SPAG16: variants seen among roughly 807,000 people sequenced by gnomAD.
The protein encoded by SPAG16 is sperm associated antigen 16, also known as sperm-associated antigen 16 protein.
Under a neutral mutation model 80.4 loss-of-function variants are expected in SPAG16, and 86 were observed. The ratio of observed to expected loss-of-function variants is 1.07; its 90% CI spans 0.90 to 1.28. The LOEUF (loss-of-function observed/expected upper bound fraction) is 1.28, where lower values mean the gene tolerates loss of function less well. SPAG16 is among the 50% of genes most tolerant of loss of function. The pLI, the probability that SPAG16 is intolerant of heterozygous loss-of-function variation, is 0.00. For missense variants in SPAG16, 870 were observed against 765.3 expected (o/e 1.14, Z -1.61); for synonymous variants, 294 against 265.9 (o/e 1.11, Z -1.03).
At chr2:213,956,010 T>TCC (rs2044108681) in intron 12 of SPAG16, among the ~76,000 whole-genome samples, 1 of 151,960 alleles carries the variant, frequency 6.6e-6, no homozygotes, top group Non-Finnish European at 1.5e-5. Context: ...CGCTCTTGTC[T>TCC]CCCAGGCAAC....
chr2:214,403,180 C>T (rs570215338), intron 15 of SPAG16, among the ~76,000 whole-genome samples: 1 of 151,694 alleles, frequency 6.6e-6, no homozygotes, highest in South Asian at 2.1e-4. Flanking sequence ...TCTTTCTAAA[C>T]TTCATTTCCC....
intron 10 of SPAG16, among the ~76,000 whole-genome samples, chr2:213,566,822 G>T (rs2059784714): frequency 6.6e-6 from 1 of 152,112 alleles, no homozygotes; most frequent in African/African-American, 2.4e-5. Flanking sequence ...TCCTGATTTA[G>T]TTGCCAGATT....
intron 1 of SPAG16, chr2:213,285,821 A>C (rs150574032): frequency 4.6e-5 from 47 of 1,031,150 alleles, no homozygotes; most frequent in Non-Finnish European, 5.3e-5. Context: ...GTTTTCGTAG[A>C]TGTAACAGGC....
intron 15 of SPAG16, among the ~76,000 whole-genome samples, chr2:214,274,996 G>A (rs775354149): frequency 6.6e-5 from 10 of 152,142 alleles, no homozygotes; most frequent in Admixed American, 1.3e-4. Flanking sequence ...TGTATTCAGA[G>A]ATTCAACTTC....
intron 10 of SPAG16, among the ~76,000 whole-genome samples, chr2:213,754,162 C>A (rs1005238442): frequency 6.6e-6 from 1 of 152,114 alleles, no homozygotes; most frequent in Non-Finnish European, 1.5e-5. Context: ...CCTGAGTGAT[C>A]CTTATGAATC....
intron 9 of SPAG16, among the ~76,000 whole-genome samples, chr2:213,460,960 T>C (rs2072324752): frequency 6.6e-6 from 1 of 152,134 alleles, no homozygotes; most frequent in African/African-American, 2.4e-5. Context: ...TATACATGAA[T>C]ATAAAAAATA....
chr2:213,839,926 C>T (rs553976088), intron 10 of SPAG16, among the ~76,000 whole-genome samples: 19 of 151,940 alleles, frequency 1.3e-4, no homozygotes, highest in African/African-American at 4.4e-4. Context: ...CTTCCTATTA[C>T]GAAAAGAAGA....
intron 10 of SPAG16, among the ~76,000 whole-genome samples, chr2:213,536,874 C>T (rs1214750364): frequency 1.3e-5 from 2 of 151,834 alleles, no homozygotes; most frequent in African/African-American, 2.4e-5. Flanking sequence ...GTATGTTTAT[C>T]GCGGCACTAT....
intron 10 of SPAG16, among the ~76,000 whole-genome samples, chr2:213,769,358 G>C (rs1485167288): frequency 6.6e-6 from 1 of 152,150 alleles, no homozygotes; most frequent in Non-Finnish European, 1.5e-5. Flanking sequence ...ATTTGCGGTA[G>C]AATATGGACT....
intron 12 of SPAG16, among the ~76,000 whole-genome samples, chr2:214,008,146 C>A (rs958780145): frequency 6.6e-6 from 1 of 151,988 alleles, no homozygotes; most frequent in Admixed American, 6.6e-5. Context: ...CTTCAGTACC[C>A]AATCTGATAT....
intron 13 of SPAG16, among the ~76,000 whole-genome samples, chr2:214,069,056 A>G (rs1471341137): frequency 6.6e-6 from 1 of 152,196 alleles, no homozygotes; most frequent in African/African-American, 2.4e-5. Context: ...CTTTTAAAAT[A>G]TATTTCATAA....
chr2:213,414,949 G>A (rs892209831), intron 9 of SPAG16, among the ~76,000 whole-genome samples: 1 of 152,208 alleles, frequency 6.6e-6, no homozygotes, highest in African/African-American at 2.4e-5. Flanking sequence ...TGAGGAAGAT[G>A]CCAAAATGGA....
intron 14 of SPAG16, among the ~76,000 whole-genome samples, chr2:214,112,614 CA>C (rs1345690454): frequency 2.0e-5 from 3 of 146,588 alleles, no homozygotes; most frequent in South Asian, 2.2e-4. Context: ...TCTGTTTTAT[CA>C]AGAGACTAGG....
At chr2:213,341,492 A>G (rs2064684472) in intron 6 of SPAG16, among the ~76,000 whole-genome samples, 1 of 152,026 alleles carries the variant, frequency 6.6e-6, no homozygotes, top group Admixed American at 6.6e-5. Flanking sequence ...AAATTTTTCA[A>G]CTAGTTTGAT....
rs373755000 is a variant in SPAG16 at position 214,154,768 on chromosome 2, T to G, written c.1720+5502T>G. Reference sequence around the variant, plus strand: ...TTCCAAATATTTCTGAGCCTCAGATTTTTTTTGTATTTAAAATGATAAAAA... The same window carrying G: ...TTCCAAATATTTCTGAGCCTCAGATGTTTTTTGTATTTAAAATGATAAAAA... On this transcript the variant is annotated intron_variant, in intron 15 of 15. Transcript: ENST00000331683. Among the ~76,000 whole-genome samples, 10 of 152,252 alleles carry G rather than the reference T, an allele frequency of 6.6e-5. 1 individual carries two copies. The highest frequency in any genetic ancestry group is 2.4e-4 in the African/African-American group (10 of 41,554).
intron 8 of SPAG16, among the ~76,000 whole-genome samples, chr2:213,372,889 A>T (rs769470345): frequency 6.6e-6 from 1 of 152,188 alleles, no homozygotes; most frequent in Non-Finnish European, 1.5e-5. Flanking sequence ...ATATTTATCC[A>T]AGAGCCTGAA....
intron 15 of SPAG16, among the ~76,000 whole-genome samples, chr2:214,165,469 C>CTTTTTTTTTTTTTTTTTTTTTTTTTTTT (rs67726428): frequency 2.6e-5 from 1 of 37,842 alleles, no homozygotes; most frequent in African/African-American, 1.4e-4. Flanking sequence ...CATCACCATC[C>CTTTTTTTTTTTTTTTTTTTTTTTTTTTT]TTTTTTTTTT....
chr2:213,752,763 C>A (rs548537275), intron 10 of SPAG16, among the ~76,000 whole-genome samples: 99 of 152,244 alleles, frequency 6.5e-4, no homozygotes, highest in African/African-American at 2.2e-3. Context: ...TAGGCTAATG[C>A]TTTTCCGGTG....
chr2:214,377,157 C>A (rs79951842), intron 15 of SPAG16, among the ~76,000 whole-genome samples: 16,954 of 152,206 alleles, frequency 0.11, 1,212 homozygotes, highest in Middle Eastern at 0.18. Flanking sequence ...TGACACTAAC[C>A]ATCTCCCCGT....
Sources: gnomAD v4.1 joint callset for allele counts (sites outside exome capture counted in the v4.1 genomes callset) on GRCh38, gnomAD v4.1.1 for gene constraint, MANE v1.5 for transcripts, NCBI Gene and HGNC (gene_info 2026-07-23, HGNC 2026-07-21) for gene names.